Variants in CWC27 observed in about 807,000 individuals in gnomAD.
CWC27 encodes CWC27 spliceosome associated cyclophilin.
A neutral mutation model predicts 63.6 loss-of-function variants in CWC27; 47 were observed. The observed-to-expected ratio is 0.74, with a 90% CI of 0.58 to 0.94. The LOEUF (loss-of-function observed/expected upper bound fraction) is 0.94. CWC27 is among the 40% of genes least tolerant of loss of function. CWC27 has a pLI of 0.00. For synonymous variants in CWC27, 175 were observed against 179.8 expected (o/e 0.97, Z 0.22); for missense variants, 495 against 554.3 (o/e 0.89, Z 1.07).
At chr5:64,852,775 C>CTTTT (rs79444686) in intron 10 of CWC27, among the ~76,000 whole-genome samples, 1 of 144,562 alleles carries the variant, frequency 6.9e-6, no homozygotes. Flanking sequence ...TCCCGGCCAC[C>CTTTT]TTTTTTTTTT....
At chr5:64,780,195 T>C (rs534618474) in intron 2 of CWC27, among the ~76,000 whole-genome samples, 13 of 152,196 alleles carry the variant, frequency 8.5e-5, no homozygotes, top group Non-Finnish European at 1.8e-4. Flanking sequence ...TCACTTAGCA[T>C]GTTTTTGAAG....
At chr5:64,962,874 C>T (rs915876818) in intron 11 of CWC27, among the ~76,000 whole-genome samples, 1 of 152,160 alleles carries the variant, frequency 6.6e-6, no homozygotes, top group African/African-American at 2.4e-5. Flanking sequence ...TAAATGACCA[C>T]CCTAGAGAGA....
intron 13 of CWC27, among the ~76,000 whole-genome samples, chr5:64,990,809 C>A (rs1253326583): frequency 6.6e-6 from 1 of 152,138 alleles, no homozygotes; most frequent in Non-Finnish European, 1.5e-5. Flanking sequence ...AATCCTTAAG[C>A]TTTCTATGAA....
At chr5:64,995,329 A>G (rs1406815998) in intron 13 of CWC27, among the ~76,000 whole-genome samples, 9 of 152,108 alleles carry the variant, frequency 5.9e-5, no homozygotes, top group Admixed American at 4.6e-4. Context: ...TTGCCTTACA[A>G]TTTGTTTATG....
intron 10 of CWC27, among the ~76,000 whole-genome samples, chr5:64,840,385 AAAAAAAAAAATATATATATATATAT>A (rs1490709826): frequency 2.9e-5 from 2 of 69,488 alleles, no homozygotes; most frequent in African/African-American, 6.4e-5. Context: ...AAAAAAAAAA[AAAAAAAAAAATATATATATATATAT>A]ATATATATAT....
rs558339103 is a variant in CWC27, at chr5:64,817,456, A to G, written c.938+13070A>G. 4.6e-5 allele frequency among the ~76,000 whole-genome samples: 7 copies of G among 152,296 alleles called. No individual in the cohort carries two copies. The South Asian group carries it at 1.4e-3, about 32-fold the overall frequency. The stretch of plus-strand genomic sequence containing the variant: ...ACAACAAAACCTCAGTAGGTTTAGT[A>G]TATAATTTAGAAATCATTTTTTTCT... On this transcript the variant is annotated intron_variant, in intron 10 of 13. Transcript: ENST00000381070.
chr5:64,977,280 T>C, intron 13 of CWC27, 42 bp downstream of exon 13: 1 of 1,361,248 alleles, frequency 7.3e-7, no homozygotes, highest in Non-Finnish European at 1.0e-6. Context: ...GAACAAATAG[T>C]CTCAGAGCAG....
At chr5:64,886,763 G>A (rs1747080458) in intron 11 of CWC27, among the ~76,000 whole-genome samples, 2 of 152,002 alleles carry the variant, frequency 1.3e-5, no homozygotes, top group South Asian at 4.2e-4. Context: ...GTATATATTT[G>A]AATGAAACAT....
intron 11 of CWC27, among the ~76,000 whole-genome samples, chr5:64,944,349 A>G (rs953285958): frequency 5.3e-5 from 8 of 152,116 alleles, no homozygotes; most frequent in African/African-American, 1.9e-4. Context: ...TTCCGTTCAC[A>G]CACAACTGCT....
intron 11 of CWC27, among the ~76,000 whole-genome samples, chr5:64,923,543 T>A (rs765802434): frequency 1.0e-4 from 15 of 149,368 alleles, no homozygotes; most frequent in Non-Finnish European, 2.1e-4. Flanking sequence ...TCAGAGGGTC[T>A]GTGTGGACTA....
chr5:64,785,487 G>T lies in CWC27; in HGVS notation c.403G>T (p.Gly135Trp). 1 of 1,421,476 alleles carries T rather than the reference G, an allele frequency of 7.0e-7. No individual in the cohort carries two copies. 88.1% of individuals were successfully genotyped at this position (1,421,476 alleles called of 1,614,324 possible). Residue 135 changes from glycine (G) to tryptophan (W), a missense_variant, in exon 5 of 14, where the codon GGG (glycine) becomes TGG (tryptophan). Gly to Trp is a radical substitution (Grantham distance 184). Coordinates refer to ENST00000381070, the MANE Select transcript of CWC27 (RefSeq NM_005869.4). ...TATATTTTTAATTTGATAGGTTACA[G>T]GGGATACAGTATATAACATGTTGCG... ...NKHTIFGKVT[G>W]DTVYNMLRLS... is the part of the protein sequence containing the mutation.
chr5:64,858,250 G>A (rs1220966507), intron 10 of CWC27, among the ~76,000 whole-genome samples: 1 of 149,112 alleles, frequency 6.7e-6, no homozygotes, highest in East Asian at 2.0e-4. Flanking sequence ...ACGAGGTCAG[G>A]AGATCGAGAC....
rs114500813 is a variant in CWC27 at position 64,910,938 on chromosome 5, C to T, written c.1042+25392C>T. Reference sequence around the variant, plus strand: ...GAGACAATGGCCCACCCTGCTTCAGCTTGCCCTCCGTGGGCTGCACCCATT... The same window carrying T: ...GAGACAATGGCCCACCCTGCTTCAGTTTGCCCTCCGTGGGCTGCACCCATT... On this transcript the variant is annotated intron_variant, in intron 11 of 13. Coordinates refer to ENST00000381070, the MANE Select transcript of CWC27 (RefSeq NM_005869.4). 9.5e-3 allele frequency among the ~76,000 whole-genome samples: 1,445 copies of T among 152,332 alleles called. 26 individuals are homozygous for T. The highest frequency in any genetic ancestry group is 0.012 in the Non-Finnish European group (811 of 68,030).
chr5:64,899,004 C>T (rs1237329412), intron 11 of CWC27, among the ~76,000 whole-genome samples: 1 of 152,122 alleles, frequency 6.6e-6, no homozygotes, highest in Non-Finnish European at 1.5e-5. Flanking sequence ...CATGGCCATA[C>T]CTAGCTGTAA....
chr5:64,834,817 A>G (rs1745619442), intron 10 of CWC27, among the ~76,000 whole-genome samples: 1 of 151,746 alleles, frequency 6.6e-6, no homozygotes, highest in Non-Finnish European at 1.5e-5. Flanking sequence ...CCCCTGAGCC[A>G]TCTCCAAAAG....
intron 10 of CWC27, among the ~76,000 whole-genome samples, chr5:64,840,344 G>T (rs1580661805): frequency 1.1e-5 from 1 of 89,944 alleles, no homozygotes; most frequent in Non-Finnish European, 2.1e-5. Flanking sequence ...GCCTTTGTGT[G>T]TTTTTATCCT....
At chr5:64,798,514 A>G (rs1157723898) in intron 7 of CWC27, among the ~76,000 whole-genome samples, 1 of 152,224 alleles carries the variant, frequency 6.6e-6, no homozygotes, top group African/African-American at 2.4e-5. Context: ...ATGAAATTAG[A>G]TATATAGATT....
intron 10 of CWC27, among the ~76,000 whole-genome samples, chr5:64,806,133 A>C (rs1744659737): frequency 6.8e-6 from 1 of 146,124 alleles, no homozygotes; most frequent in African/African-American, 2.5e-5. Flanking sequence ...GTAATTTCTT[A>C]CATAGGAACA....
rs1748570934 is a variant in CWC27, at chr5:64,945,325, G to A, written c.1043-26378G>A. Among the ~76,000 whole-genome samples, 4 of 151,888 alleles carry A rather than the reference G, an allele frequency of 2.6e-5. No individual in the cohort carries two copies. In the South Asian group the frequency reaches 8.3e-4, roughly 32 times the overall value. On this transcript the variant is annotated intron_variant, in intron 11 of 13. Transcript: ENST00000381070. Reference sequence around the variant, plus strand: ...AAAATTTTTGTCCGTTTTCTTTATTGTTGCTTTCCTAACACCTATAACAGT... The same window carrying A: ...AAAATTTTTGTCCGTTTTCTTTATTATTGCTTTCCTAACACCTATAACAGT...
Sources: gnomAD v4.1 joint callset for allele counts (sites outside exome capture counted in the v4.1 genomes callset) on GRCh38, gnomAD v4.1.1 for gene constraint, MANE v1.5 for transcripts, NCBI Gene and HGNC (gene_info 2026-07-23, HGNC 2026-07-21) for gene names.